Variants in DDX5 observed in about 807,000 individuals in gnomAD.
The protein encoded by DDX5 is DEAD-box helicase 5, also known as probable ATP-dependent RNA helicase DDX5.
In DDX5, 6 loss-of-function variants were observed where a neutral mutation model predicts 68.6. The ratio of observed to expected loss-of-function variants is 0.09; its 90% confidence interval spans 0.05 to 0.17. DDX5 has a LOEUF of 0.17. Ranked by LOEUF, DDX5 falls within the 10% of genes least tolerant of loss-of-function variation. DDX5 has a pLI of 1.00. For synonymous variants in DDX5, 350 were observed against 247.0 expected (o/e 1.42, Z -3.91); for missense variants, 499 against 756.1 (o/e 0.66, Z 3.99).
chr17:64,502,118 C>T (rs781882227), intron 10 of DDX5, 44 bp downstream of exon 10: 2 of 1,613,776 alleles, frequency 1.2e-6, no homozygotes, highest in South Asian at 2.2e-5. Flanking sequence ...AGAATTCTAG[C>T]TAGGTTAAGT....
At chr17:64,502,329 A>G (rs1447019301) in intron 9 of DDX5, 106 bp from the exon 10 acceptor site, 9 of 1,481,428 alleles carry the variant, frequency 6.1e-6, no homozygotes, top group Non-Finnish European at 8.4e-6. Context: ...CAGAAATGAA[A>G]AAGTTAAATT....
At chr17:64,504,356 A>T in intron 2 of DDX5, 38 bp from the exon 3 acceptor site, 1 of 1,533,090 alleles carries the variant, frequency 6.5e-7, no homozygotes, top group Non-Finnish European at 9.0e-7. Context: ...AATTCATGAC[A>T]ACCACCCCTA....
Position 64,500,075 on chromosome 17 carries a change from C to T in DDX5, c.1693G>A (p.Gly565Arg). The T allele has an allele frequency of 6.2e-7, 1 of 1,614,220 alleles. No individual in the cohort carries two copies. Among genetic ancestry groups the T allele is most frequent in the Non-Finnish European group, 8.5e-7 (1 of 1,180,032 alleles). Reference sequence around the variant, plus strand: ...CTATCATAACCATTCTGGTAAGTCCCTGTTGGATTACCAGTCCTAAAACTG... The same window carrying T: ...CTATCATAACCATTCTGGTAAGTCCTTGTTGGATTACCAGTCCTAAAACTG... Reference protein sequence around the residue: ...QTSFRTGNPTGTYQNGYDSTQ... With the variant: ...QTSFRTGNPTRTYQNGYDSTQ... Residue 565 changes from glycine to arginine, a missense_variant, in exon 13 of 13, where the codon GGG becomes AGG. By Grantham distance (125) the Gly-to-Arg change is moderately radical (BLOSUM62 -2). This residue lies in a region of DDX5 where 171 missense variants were observed against 174.8 expected (regional missense o/e 0.98). Coordinates refer to ENST00000225792, the MANE Select transcript of DDX5 (RefSeq NM_004396.5).
At chr17:64,504,493 A>C in intron 2 of DDX5, 175 bp from the exon 3 acceptor site, 1 of 923,990 alleles carries the variant, frequency 1.1e-6, no homozygotes, top group Non-Finnish European at 1.6e-6. Flanking sequence ...GTTATACTCA[A>C]CCTAATTTAA....
intron 9 of DDX5, 102 bp downstream of exon 9, chr17:64,502,337 A>C: frequency 6.8e-7 from 1 of 1,463,638 alleles, no homozygotes; most frequent in Non-Finnish European, 9.5e-7. Context: ...AAAAAGTTAA[A>C]TTCACTATCA....
chr17:64,506,020 A>AACCCCCCCCCCCCCCCC, intron 1 of DDX5, 56 bp downstream of exon 1: 9 of 868,052 alleles, frequency 1.0e-5, no homozygotes, highest in South Asian at 1.4e-5. Context: ...CGCCACCCTG[A>AACCCCCCCCCCCCCCCC]CCCGCCCTCC....
chr17:64,503,637 A>G, intron 5 of DDX5, 66 bp from the exon 6 acceptor site: 5 of 1,589,650 alleles, frequency 3.1e-6, no homozygotes, highest in Non-Finnish European at 3.4e-6. Context: ...AACTTATTAT[A>G]CTAGCAGATC....
intron 2 of DDX5, 105 bp downstream of exon 2, chr17:64,504,572 G>A: frequency 2.2e-6 from 3 of 1,350,548 alleles, no homozygotes; most frequent in South Asian, 1.4e-5. Context: ...GTCAGAACAT[G>A]TAACTCTACC....
Position 64,499,878 on chromosome 17 carries a change from A to G in DDX5, c.*45T>C, listed in dbSNP as rs782110160. ...ATCTTGTCAGATAACACACAATATA[A>G]AGAGCAATTATGAAAAACAGACATT... On this transcript the variant is annotated 3_prime_UTR_variant, in exon 13 of 13. Transcript: ENST00000225792. 6.7e-7 allele frequency: 1 copy of G among 1,497,362 alleles called. No individual in the cohort carries two copies. The highest frequency in any genetic ancestry group is 8.9e-7 in the Non-Finnish European group (1 of 1,118,436). 92.8% of individuals were successfully genotyped at this position (1,497,362 alleles called of 1,614,324 possible).
chr17:64,504,850 GA>G lies in DDX5; in HGVS notation c.45-9del, dbSNP rs199960115. On this transcript the variant is annotated splice_polypyrimidine_tract_variant and intron_variant, in intron 1 of 12. Transcript: ENST00000225792. ...AATCGAGGTGCACCAAACCTGGAAT[GA>G]AAAAAAACGTTATTCACATTTTCAA... 1.3e-5 allele frequency: 20 copies of G among 1,583,458 alleles called. No individual in the cohort carries two copies. The highest frequency in any genetic ancestry group is 4.0e-5 in the Admixed American group (2 of 50,606).
intron 9 of DDX5, 103 bp from the exon 10 acceptor site, chr17:64,502,326 GAAAAAGTTA>G: frequency 6.8e-7 from 1 of 1,477,802 alleles, no homozygotes; most frequent in Non-Finnish European, 9.4e-7. Context: ...CGCCAGAAAT[GAAAAAGTTA>G]AATTCACTAT....
At position 64,500,137 on chromosome 17, in the gene DDX5, C is replaced by T. The variant is rs2144247164; in HGVS notation, c.1631G>A (p.Ser544Asn). The change falls in exon 13 of 13, where the codon AGC (serine) becomes AAC (asparagine). Residue 544 changes from serine to asparagine, a missense_variant. This residue lies in a region of DDX5 where 171 missense variants were observed against 174.8 expected (regional missense o/e 0.98). Coordinates refer to ENST00000225792, the MANE Select transcript of DDX5 (RefSeq NM_004396.5). ...VYSAANYTNG[S>N]FGSNFVSAGI... ...AGCAGACACAAAATTACTTCCAAAG[C>T]TCCCATTGGTGTAATTTGCAGCACT... The T allele has an allele frequency of 6.2e-7, 1 of 1,614,220 alleles. No homozygotes were observed. The highest frequency in any genetic ancestry group is 2.2e-5 in the East Asian group (1 of 44,888).
chr17:64,500,487 A>T, intron 12 of DDX5, 62 bp downstream of exon 12: 2 of 1,556,656 alleles, frequency 1.3e-6, no homozygotes, highest in South Asian at 2.3e-5. Context: ...ATACCATTTA[A>T]ATGGATTTGT....
Position 64,500,095 on chromosome 17 carries a change from A to T in DDX5, c.1673T>A (p.Phe558Tyr). 2 of 1,614,182 alleles carry T rather than the reference A, an allele frequency of 1.2e-6. No individual in the cohort carries two copies. Among genetic ancestry groups the T allele is most frequent in the Non-Finnish European group, 1.7e-6 (2 of 1,180,024 alleles). ...NFVSAGIQTS[F>Y]RTGNPTGTYQ... is the part of the protein sequence containing the mutation. ...AGTCCCTGTTGGATTACCAGTCCTAAAACTGGTCTGTATACCAGCAGACAC... is the reference window on the plus strand; with the variant it reads ...AGTCCCTGTTGGATTACCAGTCCTATAACTGGTCTGTATACCAGCAGACAC... The change falls in exon 13 of 13, where the codon TTT becomes TAT. Residue 558 changes from phenylalanine (F) to tyrosine (Y), a missense_variant. By Grantham distance (22) the Phe-to-Tyr change is conservative. Coordinates refer to ENST00000225792, the MANE Select transcript of DDX5 (RefSeq NM_004396.5).
At chr17:64,500,421 T>C (rs2038269071) in intron 12 of DDX5, 95 bp from the exon 13 acceptor site, 1 of 1,534,602 alleles carries the variant, frequency 6.5e-7, no homozygotes, top group Non-Finnish European at 8.8e-7. Context: ...AGGCGTGAAA[T>C]GTTTTTACAA....
chr17:64,505,950 G>A (rs1555672381), intron 1 of DDX5, 126 bp downstream of exon 1: 1 of 1,536,552 alleles, frequency 6.5e-7, no homozygotes, highest in African/African-American at 1.4e-5. Context: ...AAGCCTTCGG[G>A]AAAGGAAGTC....
rs2038321279 is a variant in DDX5 at position 64,502,501 on chromosome 17, G to A, written c.1032C>T (p.Thr344=). 6.2e-7 allele frequency: 1 copy of A among 1,613,682 alleles called. No individual in the cohort carries two copies. The highest frequency in any genetic ancestry group is 2.2e-5 in the East Asian group (1 of 44,878). ...TTCTTTTGGTTTCCACAAAAACAAT[G>A]GTTTTATTCTCCTTCTCACTCATGA... ...EEIMSEKENK[T]IVFVETKRRC... is the part of the protein sequence containing the mutation. The change falls in exon 9 of 13, where the codon ACC becomes ACT. Residue 344 remains threonine (T), a synonymous_variant. Transcript: ENST00000225792.
intron 1 of DDX5, chr17:64,505,670 C>G (rs1344085727): frequency 1.4e-6 from 2 of 1,450,102 alleles, no homozygotes; most frequent in African/African-American, 2.8e-5. Context: ...CCCAACAGCA[C>G]CAGGGCTTTG....
chr17:64,506,424 C>G, upstream of DDX5: 1 of 1,375,458 alleles, frequency 7.3e-7, no homozygotes, highest in Non-Finnish European at 9.4e-7. Context: ...GTTCCAGGAT[C>G]GCCGCGCTTT....
Sources: allele counts gnomAD v4.1 joint callset, GRCh38; gene constraint gnomAD v4.1.1; regional missense constraint gnomAD v4.1.1; transcripts MANE v1.5; gene names NCBI Gene and HGNC (gene_info 2026-07-23, HGNC 2026-07-21).